RARB: variants seen among roughly 807,000 people sequenced by gnomAD.
RARB encodes the protein retinoic acid receptor beta.
RARB carries 17 observed loss-of-function variants against 51.9 expected under a neutral mutation model. That is an observed-to-expected ratio of 0.33 (90% CI 0.22 to 0.49). RARB has a LOEUF of 0.49. Ranked by LOEUF, RARB falls within the 20% of genes least tolerant of loss-of-function variation. The pLI is 0.99. For synonymous variants in RARB, 215 were observed against 195.4 expected (o/e 1.10, Z -0.84); for missense variants, 369 against 550.8 (o/e 0.67, Z 3.30).
At position 25,037,667 on chromosome 3, in the gene RARB, G is replaced by A. The variant is rs992170037; in HGVS notation, c.-379-22458G>A. ...AGCACCTACCAAGGGCTAGGGGAGA[G>A]GGAGAGAAAGCAAGCTGAAGAGCAA... On this transcript the variant is annotated intron_variant, in intron 2 of 11. Transcript: ENST00000383772. Among the ~76,000 whole-genome samples, 4 of 152,082 alleles carry A rather than the reference G, an allele frequency of 2.6e-5. No homozygotes were observed. In the East Asian group the frequency reaches 7.8e-4, roughly 30 times the overall value.
chr3:25,590,645 C>G (rs1701580065), intron 5 of RARB, among the ~76,000 whole-genome samples: 1 of 152,130 alleles, frequency 6.6e-6, no homozygotes, highest in Non-Finnish European at 1.5e-5. Context: ...TCAGCCTGCC[C>G]AGCAGATGGG....
chr3:24,837,890 C>T (rs1172570037), intron 1 of RARB, among the ~76,000 whole-genome samples: 1 of 152,216 alleles, frequency 6.6e-6, no homozygotes, highest in Non-Finnish European at 1.5e-5. Context: ...AACACATTAA[C>T]ACAAAATTCG....
chr3:25,509,527 C>A (rs774608976), intron 3 of RARB, among the ~76,000 whole-genome samples: 1 of 152,202 alleles, frequency 6.6e-6, no homozygotes, highest in Non-Finnish European at 1.5e-5. Flanking sequence ...AATATTATGT[C>A]ACAGCCTTAA....
chr3:24,897,861 T>C (rs1311447774), intron 2 of RARB, among the ~76,000 whole-genome samples: 2 of 152,144 alleles, frequency 1.3e-5, no homozygotes, highest in African/African-American at 4.8e-5. Flanking sequence ...CTAATTTGCA[T>C]TGTGAATTGC....
At chr3:25,196,765 A>G (rs547747249) in intron 5 of RARB, among the ~76,000 whole-genome samples, 1 of 152,046 alleles carries the variant, frequency 6.6e-6, no homozygotes, top group African/African-American at 2.4e-5. Context: ...CACCATTCTA[A>G]CTGGTGTGAG....
intron 2 of RARB, among the ~76,000 whole-genome samples, chr3:25,466,012 A>G (rs1024882325): frequency 6.6e-6 from 1 of 152,166 alleles, no homozygotes; most frequent in African/African-American, 2.4e-5. Flanking sequence ...ACTACTTATA[A>G]GCTTGGTGCA....
At chr3:25,055,791 C>A (rs1469497351) in intron 2 of RARB, among the ~76,000 whole-genome samples, 2 of 152,056 alleles carry the variant, frequency 1.3e-5, no homozygotes, top group African/African-American at 4.8e-5. Flanking sequence ...CAACCAGAAA[C>A]CAGGAAGCTG....
At chr3:25,045,165 A>C (rs938247541) in intron 2 of RARB, among the ~76,000 whole-genome samples, 20 of 152,328 alleles carry the variant, frequency 1.3e-4, no homozygotes, top group African/African-American at 4.3e-4. Context: ...GCAAAAGTAC[A>C]GTGCCTTCTT....
chr3:25,006,169 ACT>A (rs1388249299), intron 2 of RARB, among the ~76,000 whole-genome samples: 4 of 151,598 alleles, frequency 2.6e-5, no homozygotes, highest in Non-Finnish European at 4.4e-5. Flanking sequence ...CCTCCAGCTT[ACT>A]CTCTCTCCCT....
chr3:25,121,391 G>GA (rs890095704), intron 3 of RARB, among the ~76,000 whole-genome samples: 36 of 151,464 alleles, frequency 2.4e-4, no homozygotes, highest in Admixed American at 1.7e-3. Context: ...GATTTTTAAA[G>GA]AAAAAAAATA....
intron 1 of RARB, among the ~76,000 whole-genome samples, chr3:24,845,741 C>T (rs964262771): frequency 6.6e-6 from 1 of 151,954 alleles, no homozygotes. Flanking sequence ...AGTCAGTTCT[C>T]TGCAGCAGAT....
chr3:25,131,697 G>T (rs987061740), intron 3 of RARB, among the ~76,000 whole-genome samples: 1 of 151,982 alleles, frequency 6.6e-6, no homozygotes, highest in African/African-American at 2.4e-5. Context: ...GAGAGAGAGT[G>T]AAGCCATTTG....
At chr3:25,491,061 G>A (rs1696709764) in intron 2 of RARB, among the ~76,000 whole-genome samples, 1 of 151,922 alleles carries the variant, frequency 6.6e-6, no homozygotes. Flanking sequence ...AAATTCTTTG[G>A]GTAACTACTC....
intron 5 of RARB, among the ~76,000 whole-genome samples, chr3:25,209,565 C>G (rs1156852132): frequency 1.3e-5 from 2 of 152,178 alleles, no homozygotes; most frequent in Non-Finnish European, 2.9e-5. Context: ...GAGGCAGACC[C>G]ATGGATACGT....
intron 5 of RARB, among the ~76,000 whole-genome samples, chr3:25,384,753 A>G (rs993603989): frequency 4.6e-5 from 7 of 152,234 alleles, no homozygotes; most frequent in Admixed American, 1.3e-4. Context: ...GTCTACGAAC[A>G]TACTCCCAGA....
At chr3:24,964,533 C>T (rs1696212498) in intron 2 of RARB, among the ~76,000 whole-genome samples, 1 of 152,116 alleles carries the variant, frequency 6.6e-6, no homozygotes, top group Non-Finnish European at 1.5e-5. Context: ...ACTTTAGATC[C>T]TGAAAGCACA....
At chr3:25,455,466 C>T (rs138015556) in intron 1 of RARB, among the ~76,000 whole-genome samples, 1 of 152,326 alleles carries the variant, frequency 6.6e-6, no homozygotes, top group African/African-American at 2.4e-5. Flanking sequence ...CAATGAGTCC[C>T]ATGACTAATT....
intron 3 of RARB, among the ~76,000 whole-genome samples, chr3:25,105,838 C>A (rs1013476581): frequency 4.6e-5 from 7 of 152,252 alleles, no homozygotes; most frequent in Non-Finnish European, 8.8e-5. Context: ...GAACATATAT[C>A]TTCTTTTCTA....
intron 5 of RARB, among the ~76,000 whole-genome samples, chr3:25,319,858 T>C: frequency 6.6e-6 from 1 of 152,166 alleles, no homozygotes; most frequent in South Asian, 2.1e-4. Context: ...GTCACTTCTT[T>C]TTATTCTTTT....
Sources: allele counts gnomAD v4.1 joint callset (sites outside exome capture counted in the v4.1 genomes callset), GRCh38; gene constraint gnomAD v4.1.1; transcripts MANE v1.5; gene names NCBI Gene and HGNC (gene_info 2026-07-23, HGNC 2026-07-21).